The following KIRREL3 variants were observed in gnomAD, a reference collection of about 807,000 sequenced individuals.
KIRREL3 encodes kin of IRRE-like protein 3.
In KIRREL3, 36 loss-of-function variants were observed where a neutral mutation model predicts 89.7. The observed-to-expected ratio is 0.40, with a 90% CI of 0.31 to 0.53. The LOEUF (loss-of-function observed/expected upper bound fraction) is 0.53, where lower values mean the gene tolerates loss of function less well. Among genes scored for constraint, KIRREL3 ranks in the 20% least tolerant of loss-of-function variants. The pLI, the probability that KIRREL3 is intolerant of heterozygous loss-of-function variation, is 0.49. For missense variants in KIRREL3, 864 were observed against 1,056.6 expected (o/e 0.82, Z 2.53); for synonymous variants, 445 against 441.4 (o/e 1.01, Z -0.10).
At chr11:126,540,541 C>T (rs78630910) in intron 2 of KIRREL3, among the ~76,000 whole-genome samples, 8,620 of 152,306 alleles carry the variant, frequency 0.057, 731 homozygotes, top group African/African-American at 0.19. Context: ...CACTATAAAT[C>T]CTTTGCCTAC....
rs954342087 is a variant in KIRREL3, at chr11:126,917,153, T to A, written c.55+83302A>T. ...GAATAACATTCTGATACACAGTATG[T>A]TAAAGATTCACCTTGAAAATATTAT... On this transcript the variant is annotated intron_variant, in intron 1 of 16. Coordinates refer to ENST00000525144, the MANE Select transcript of KIRREL3 (RefSeq NM_032531.4). This position sits in a 1 kb window ranked among gnomAD's most constrained non-coding sequence, Gnocchi z 5.0. 2.6e-5 allele frequency among the ~76,000 whole-genome samples: 4 copies of A among 152,182 alleles called. No homozygotes were observed. The highest frequency in any genetic ancestry group is 9.6e-5 in the African/African-American group (4 of 41,452).
chr11:126,820,154 T>C (rs1302695283), intron 1 of KIRREL3, among the ~76,000 whole-genome samples: 1 of 152,212 alleles, frequency 6.6e-6, no homozygotes, highest in Non-Finnish European at 1.5e-5. Flanking sequence ...ATTTTGTTCA[T>C]GTGAATACTT....
rs183857966 is a variant in KIRREL3, at chr11:126,848,851, C to G, written c.55+151604G>C. ...TCCTCTCTACCCTAAATACAAGAGA[C>G]CTTCATAGTTTGGCAAAAATATCAT... On this transcript the variant is annotated intron_variant, in intron 1 of 16. Coordinates refer to ENST00000525144, the MANE Select transcript of KIRREL3 (RefSeq NM_032531.4). Among the ~76,000 whole-genome samples the G allele has an allele frequency of 1.2e-3, 183 of 152,206 alleles. 3 individuals are homozygous for G. The South Asian group carries it at 0.036, about 30-fold the overall frequency.
chr11:126,523,217 G>A lies in KIRREL3; in HGVS notation c.284-1753C>T, dbSNP rs955241883. Among the ~76,000 whole-genome samples the A allele has an allele frequency of 2.6e-5, 4 of 152,130 alleles. No individual in the cohort carries two copies. The highest frequency in any genetic ancestry group is 9.7e-5 in the African/African-American group (4 of 41,426). ...CCATCACTGGCTGTATTCAAGCAGA[G>A]GTTGGATGATCGCCTCTCAGGGATG... On this transcript the variant is annotated intron_variant, in intron 3 of 16. Transcript: ENST00000525144. The surrounding 1 kb of genome is among the most constrained non-coding windows in gnomAD (Gnocchi z 4.9).
chr11:126,478,964 G>A (rs1159245403), intron 4 of KIRREL3, among the ~76,000 whole-genome samples: 1 of 152,218 alleles, frequency 6.6e-6, no homozygotes, highest in Non-Finnish European at 1.5e-5. Context: ...GGGAAGCCTG[G>A]CTGAGGGGGG....
intron 1 of KIRREL3, among the ~76,000 whole-genome samples, chr11:126,735,423 T>C (rs992230548): frequency 6.6e-6 from 1 of 152,098 alleles, no homozygotes; most frequent in African/African-American, 2.4e-5. Context: ...CCGGCCCCAT[T>C]TCCCACCTCC....
Position 126,719,531 on chromosome 11 carries a change from G to A in KIRREL3, c.56-156619C>T, listed in dbSNP as rs1327241982. ...CATGCTGAAGTCTACTTCCTTGCTG[G>A]GCATTTCCATTTGAACATCTCTTAG... On this transcript the variant is annotated intron_variant, in intron 1 of 16. Coordinates refer to ENST00000525144, the MANE Select transcript of KIRREL3 (RefSeq NM_032531.4). This position sits in a 1 kb window ranked among gnomAD's most constrained non-coding sequence, Gnocchi z 4.7. Among the ~76,000 whole-genome samples the A allele has an allele frequency of 6.6e-6, 1 of 151,950 alleles. No homozygotes were observed. The highest frequency in any genetic ancestry group is 1.5e-5 in the Non-Finnish European group (1 of 67,994).
chr11:126,694,479 C>A lies in KIRREL3; in HGVS notation c.56-131567G>T, dbSNP rs1002353575. Among the ~76,000 whole-genome samples the A allele has an allele frequency of 2.0e-5, 3 of 152,044 alleles. No homozygotes were observed. Among genetic ancestry groups the A allele is most frequent in the Admixed American group, 6.5e-5 (1 of 15,270 alleles). On this transcript the variant is annotated intron_variant, in intron 1 of 16. Transcript: ENST00000525144. This position sits in a 1 kb window ranked among gnomAD's most constrained non-coding sequence, Gnocchi z 4.4. ...GGAAAATACTGCAGAGGAAGCAGGG[C>A]GAGCGTGGAGAATGATTGCTCAGGC...
rs1171726291 is a variant in KIRREL3 at position 126,662,316 on chromosome 11, ACGGGGCCAGG to A, written c.56-99414_56-99405del. ...CATTGACCATCAAAGAAACCAGAAA[ACGGGGCCAGG>A]CCCCTTGGAGAGCACTAGAGGCTTA... On this transcript the variant is annotated intron_variant, in intron 1 of 16. Transcript: ENST00000525144. Among the ~76,000 whole-genome samples, 4 of 152,190 alleles carry A rather than the reference ACGGGGCCAGG, an allele frequency of 2.6e-5. No individual in the cohort carries two copies. In the South Asian group the frequency reaches 8.3e-4, roughly 31 times the overall value.
Position 126,431,107 on chromosome 11 carries a change from A to G in KIRREL3, c.1696+312T>C. On this transcript the variant is annotated intron_variant, in intron 14 of 16. Transcript: ENST00000525144. This position sits in a 1 kb window ranked among gnomAD's most constrained non-coding sequence, Gnocchi z 7.1. ...TTGTAGAGCAAGGATCAAACCACAA[A>G]CCGCTTTTCCCCCTATCTTTCTGTA... The G allele has an allele frequency of 7.1e-7, 1 of 1,405,646 alleles. No homozygotes were observed. The highest frequency in any genetic ancestry group is 2.6e-5 in the East Asian group (1 of 38,818). The allele number at this position is 1,405,646 out of a possible 1,614,324, so 87.1% of individuals were successfully genotyped here. A position where few individuals can be genotyped will look rare whatever the true frequency, so the allele number is the denominator to read the frequency against.
At chr11:126,794,258 C>T (rs1304006563) in intron 1 of KIRREL3, among the ~76,000 whole-genome samples, 2 of 152,160 alleles carry the variant, frequency 1.3e-5, no homozygotes, top group Non-Finnish European at 2.9e-5. Flanking sequence ...TTGTCTATCT[C>T]CTGGATAATT....
intron 10 of KIRREL3, chr11:126,440,789 A>G (rs1385612403): frequency 3.4e-6 from 2 of 580,984 alleles, no homozygotes; most frequent in Non-Finnish European, 6.2e-6. Context: ...GAAGATACAA[A>G]TAACTGTAAT....
At position 126,431,260 on chromosome 11, in the gene KIRREL3, A is replaced by G; in HGVS notation, c.1696+159T>C. On this transcript the variant is annotated intron_variant, in intron 14 of 16. Transcript: ENST00000525144. This position sits in a 1 kb window ranked among gnomAD's most constrained non-coding sequence, Gnocchi z 7.1. ...GCCAGGCGCCATGTTGCCCAGGCTC[A>G]CATACACCGATGCATCAGACCCACT... 6.5e-7 allele frequency: 1 copy of G among 1,542,170 alleles called. No homozygotes were observed. The highest frequency in any genetic ancestry group is 2.0e-5 in the Admixed American group (1 of 50,826).
Position 126,989,407 on chromosome 11 carries a change from G to T in KIRREL3, c.55+11048C>A, listed in dbSNP as rs1451157030. On this transcript the variant is annotated intron_variant, in intron 1 of 16. Transcript: ENST00000525144. The surrounding 1 kb of genome is among the most constrained non-coding windows in gnomAD (Gnocchi z 6.2). The stretch of plus-strand genomic sequence containing the variant: ...GGACTCTGATGGTGAGTCAGCTGAG[G>T]GAAGCTGCTGGGGTCTCAGCACACC... Among the ~76,000 whole-genome samples, 1 of 152,112 alleles carries T rather than the reference G, an allele frequency of 6.6e-6. No individual in the cohort carries two copies. The highest frequency in any genetic ancestry group is 6.5e-5 in the Admixed American group (1 of 15,284).
At chr11:127,000,865 C>T, upstream of KIRREL3, 1 of 413,620 alleles carries the variant, frequency 2.4e-6, no homozygotes, top group Non-Finnish European at 4.2e-6. This position sits in a 1 kb window ranked among gnomAD's most constrained non-coding sequence, Gnocchi z 7.1. Context: ...ACTCCTTTCA[C>T]TGAAGCTGAG....
intron 4 of KIRREL3, among the ~76,000 whole-genome samples, chr11:126,488,160 C>T (rs926808374): frequency 5.3e-5 from 8 of 152,320 alleles, no homozygotes; most frequent in South Asian, 2.1e-4. Flanking sequence ...ACCTATTCAC[C>T]GGGGCAGGGA....
At position 126,574,783 on chromosome 11, in the gene KIRREL3, C is replaced by G. The variant is rs1377893998; in HGVS notation, c.56-11871G>C. Among the ~76,000 whole-genome samples, 2 of 152,208 alleles carry G rather than the reference C, an allele frequency of 1.3e-5. No homozygotes were observed. Among genetic ancestry groups the G allele is most frequent in the East Asian group, 3.8e-4 (2 of 5,202 alleles). ...GAAAATGCTGCTTATGAACCACTTC[C>G]ACCCTTGCCTACCTACTCCTGCCAA... On this transcript the variant is annotated intron_variant, in intron 1 of 16. Transcript: ENST00000525144. This position sits in a 1 kb window ranked among gnomAD's most constrained non-coding sequence, Gnocchi z 5.3.
chr11:126,721,390 T>C (rs1264874318), intron 1 of KIRREL3, among the ~76,000 whole-genome samples: 1 of 151,776 alleles, frequency 6.6e-6, no homozygotes, highest in East Asian at 1.9e-4. Flanking sequence ...ATTAGCTGGG[T>C]ATAGTGGTGC....
intron 1 of KIRREL3, among the ~76,000 whole-genome samples, chr11:126,888,341 A>T (rs1234280149): frequency 6.6e-6 from 1 of 151,920 alleles, no homozygotes; most frequent in Non-Finnish European, 1.5e-5. Flanking sequence ...CCTCAATCCC[A>T]CTCTGCTGTG....
Sources: gnomAD v4.1 joint callset for allele counts (sites outside exome capture counted in the v4.1 genomes callset) on GRCh38, gnomAD v4.1.1 for gene constraint, Gnocchi (gnomAD v3.1) non-coding constraint, MANE v1.5 for transcripts, NCBI Gene and HGNC (gene_info 2026-07-23, HGNC 2026-07-21) for gene names.